The following SEZ6L variants were observed in gnomAD, a reference collection of about 807,000 sequenced individuals.
SEZ6L encodes seizure 6-like protein.
Under a neutral mutation model 106.2 loss-of-function variants are expected in SEZ6L, and 37 were observed. That is an observed-to-expected ratio of 0.35 (90% CI 0.27 to 0.46). The LOEUF (loss-of-function observed/expected upper bound fraction) is 0.46. Ranked by LOEUF, SEZ6L falls within the 20% of genes least tolerant of loss-of-function variation. The pLI is 1.00. For synonymous variants in SEZ6L, 541 were observed against 570.4 expected, an observed-to-expected ratio of 0.95 and a Z score of 0.73; for missense variants, 1,172 against 1,332.8, an observed-to-expected ratio of 0.88 and a Z score of 1.88.
At chr22:26,308,176 C>A (rs2081696926) in intron 6 of SEZ6L, among the ~76,000 whole-genome samples, 1 of 151,984 alleles carries the variant, frequency 6.6e-6, no homozygotes. Flanking sequence ...GAACTCAGAG[C>A]TAGATAAGAC....
chr22:26,313,128 C>T (rs915871294), intron 8 of SEZ6L, among the ~76,000 whole-genome samples: 8 of 152,210 alleles, frequency 5.3e-5, no homozygotes, highest in South Asian at 2.1e-4. Context: ...TTAAAGGGCA[C>T]CTGCCGCAGC....
intron 1 of SEZ6L, among the ~76,000 whole-genome samples, chr22:26,171,751 C>T (rs1412304166): frequency 6.6e-6 from 1 of 152,160 alleles, no homozygotes; most frequent in African/African-American, 2.4e-5. Flanking sequence ...CTTCAGAAAG[C>T]TCATTAATAA....
chr22:26,191,976 C>CTCCATCCA lies in SEZ6L; in HGVS notation c.94+22250_94+22257dup, dbSNP rs55983247. Among the ~76,000 whole-genome samples the CTCCATCCA allele has an allele frequency of 8.7e-3, 1,310 of 150,088 alleles. 5 individuals are homozygous for CTCCATCCA. Among genetic ancestry groups the CTCCATCCA allele is most frequent in the East Asian group, 0.014 (69 of 5,002 alleles). On this transcript the variant is annotated intron_variant, in intron 1 of 16. Coordinates refer to ENST00000248933, the MANE Select transcript of SEZ6L (RefSeq NM_021115.5). Reference sequence around the variant, plus strand: ...TCACTGAATGATATTAAGCAAGTCACTCCATCCATCCATCCATCCATCCAT... The same window carrying CTCCATCCA: ...TCACTGAATGATATTAAGCAAGTCACTCCATCCATCCATCCATCCATCCATCCATCCAT...
chr22:26,265,797 T>C (rs621933), intron 1 of SEZ6L, among the ~76,000 whole-genome samples: 7 of 152,158 alleles, frequency 4.6e-5, no homozygotes, highest in Middle Eastern at 3.4e-3. Flanking sequence ...GAGGCAGACA[T>C]GCCTTTGATG....
intron 5 of SEZ6L, among the ~76,000 whole-genome samples, chr22:26,304,373 A>AAAGAAAG (rs2081555771): frequency 4.5e-5 from 2 of 44,032 alleles, no homozygotes; most frequent in Non-Finnish European, 9.5e-5. Context: ...AAGAAAGAAG[A>AAAGAAAG]AAGAAAGAAA....
intron 10 of SEZ6L, among the ~76,000 whole-genome samples, chr22:26,342,768 GT>G (rs1601553904): frequency 6.6e-6 from 1 of 152,310 alleles, no homozygotes; most frequent in East Asian, 1.9e-4. Flanking sequence ...GATTTTTGGA[GT>G]TTTAATTTGC....
chr22:26,208,053 G>T (rs953450285), intron 1 of SEZ6L, among the ~76,000 whole-genome samples: 1 of 151,908 alleles, frequency 6.6e-6, no homozygotes, highest in African/African-American at 2.4e-5. Flanking sequence ...GGGACTACAG[G>T]CGCGCGCCAC....
chr22:26,310,882 A>G, intron 7 of SEZ6L, 46 bp downstream of exon 7: 1 of 1,586,164 alleles, frequency 6.3e-7, no homozygotes, highest in Non-Finnish European at 8.6e-7. Context: ...GGCTGGGGGT[A>G]GCCTGGGAGC....
rs952545780 is a variant in SEZ6L, at chr22:26,171,545, C to T, written c.94+1782C>T. On this transcript the variant is annotated intron_variant, in intron 1 of 16. Transcript: ENST00000248933. ...GTCTTAATGGCACGTATTGAATTGT[C>T]ATCTAAGACAAGGATTTCCTATTCT... 3.3e-5 allele frequency among the ~76,000 whole-genome samples: 5 copies of T among 152,348 alleles called. No individual in the cohort carries two copies. In the South Asian group the frequency reaches 1.0e-3, roughly 32 times the overall value.
chr22:26,180,287 T>G (rs1238741257), intron 1 of SEZ6L, among the ~76,000 whole-genome samples: 1 of 152,216 alleles, frequency 6.6e-6, no homozygotes, highest in Non-Finnish European at 1.5e-5. Context: ...AGACACATAT[T>G]CATCAAGATG....
In SEZ6L at chr22:26,250,907, T is replaced by C. The variant is rs62225676; in HGVS notation, c.95-41499T>C. Among the ~76,000 whole-genome samples, 891 of 152,324 alleles carry C rather than the reference T, an allele frequency of 5.8e-3. 3 individuals are homozygous for C. The highest frequency in any genetic ancestry group is 0.01 in the Non-Finnish European group (694 of 68,018). ...TAAACTTATTCCTAAGCATTTTATA[T>C]ATTTTTGAGGTAGCTATTGTAAATG... On this transcript the variant is annotated intron_variant, in intron 1 of 16. Coordinates refer to ENST00000248933, the MANE Select transcript of SEZ6L (RefSeq NM_021115.5).
intron 1 of SEZ6L, among the ~76,000 whole-genome samples, chr22:26,210,573 C>G (rs900857628): frequency 6.6e-6 from 1 of 152,106 alleles, no homozygotes; most frequent in Admixed American, 6.5e-5. Context: ...TCCCTGGGGG[C>G]GGTTTCTTTT....
intron 1 of SEZ6L, among the ~76,000 whole-genome samples, chr22:26,172,575 C>A (rs1938698840): frequency 6.6e-6 from 1 of 152,128 alleles, no homozygotes. Context: ...GTGCAGACCT[C>A]CACTAGGGGC....
In SEZ6L at chr22:26,267,893, G is replaced by A. The variant is rs1269240028; in HGVS notation, c.95-24513G>A. Among the ~76,000 whole-genome samples, 4 of 152,208 alleles carry A rather than the reference G, an allele frequency of 2.6e-5. No homozygotes were observed. In the East Asian group the frequency reaches 7.7e-4, roughly 29 times the overall value. On this transcript the variant is annotated intron_variant, in intron 1 of 16. Transcript: ENST00000248933. The stretch of plus-strand genomic sequence containing the variant: ...AATTCAAGACCCTCCCAGTCAGGAT[G>A]TGCTGAAGACCAACAGGAAGAGGAA...
intron 5 of SEZ6L, 77 bp downstream of exon 5, chr22:26,299,246 G>A: frequency 8.3e-7 from 1 of 1,201,072 alleles, no homozygotes; most frequent in East Asian, 3.1e-5. Flanking sequence ...GACACCGAGA[G>A]TGACCTCAGG....
intron 1 of SEZ6L, among the ~76,000 whole-genome samples, chr22:26,220,392 A>G (rs1335532178): frequency 4.6e-5 from 7 of 151,984 alleles, no homozygotes; most frequent in African/African-American, 1.7e-4. Flanking sequence ...CTCCTCCTCA[A>G]TTCTCCCCAC....
intron 1 of SEZ6L, among the ~76,000 whole-genome samples, chr22:26,191,928 G>A (rs139534424): frequency 6.6e-6 from 1 of 152,138 alleles, no homozygotes. Flanking sequence ...TTGAAAGTCA[G>A]GAGTGAGGGC....
intron 1 of SEZ6L, among the ~76,000 whole-genome samples, chr22:26,211,208 A>G (rs769112543): frequency 1.3e-5 from 2 of 152,224 alleles, no homozygotes; most frequent in Non-Finnish European, 2.9e-5. Flanking sequence ...TTTCCACCCA[A>G]TGAAAGGAAG....
At chr22:26,356,513 G>A (rs962013007) in intron 12 of SEZ6L, among the ~76,000 whole-genome samples, 15 of 151,664 alleles carry the variant, frequency 9.9e-5, no homozygotes, top group African/African-American at 2.2e-4. Flanking sequence ...GTGGTGGCAC[G>A]TGCCTGTAAT....
Sources: gnomAD v4.1 joint callset for allele counts (sites outside exome capture counted in the v4.1 genomes callset) on GRCh38, gnomAD v4.1.1 for gene constraint, MANE v1.5 for transcripts, NCBI Gene and HGNC (gene_info 2026-07-23, HGNC 2026-07-21) for gene names.